The following FAM163A variants were observed in gnomAD, a reference collection of about 807,000 sequenced individuals.
FAM163A encodes the protein family with sequence similarity 163 member A, also known as protein FAM163A.
FAM163A carries 7 observed loss-of-function variants against 12.0 expected under a neutral mutation model. The ratio of observed to expected loss-of-function variants is 0.58; its 90% CI spans 0.33 to 1.10. The LOEUF (loss-of-function observed/expected upper bound fraction) is 1.10. FAM163A is among the 50% of genes least tolerant of loss of function. FAM163A has a pLI of 0.03. For synonymous variants in FAM163A, 101 were observed against 91.0 expected (o/e 1.11, Z -0.62); for missense variants, 202 against 218.6 (o/e 0.92, Z 0.48).
chr1:179,758,362 T>C (rs1686322818), intron 1 of FAM163A, among the ~76,000 whole-genome samples: 2 of 152,246 alleles, frequency 1.3e-5, no homozygotes, highest in Non-Finnish European at 2.9e-5. Context: ...TTCTGGTACC[T>C]TTCTTTTTCT....
Position 179,813,949 on chromosome 1 carries a change from T to TGG in FAM163A, c.267_268dup (p.Val90GlyfsTer59). 1 of 1,579,648 alleles carries TGG rather than the reference T, an allele frequency of 6.3e-7. No homozygotes were observed. The highest frequency in any genetic ancestry group is 8.6e-7 in the Non-Finnish European group (1 of 1,166,718). On this transcript the variant is annotated frameshift_variant, in exon 5 of 5. Coordinates refer to ENST00000341785, the MANE Select transcript of FAM163A (RefSeq NM_173509.3). LOFTEE classifies it high-confidence loss of function. ...CCAGCGAGCCCTGCAGCCAGCCCTG[T>TGG]GGGGTGGCCGCGAGCCACTGCACTA...
intron 1 of FAM163A, among the ~76,000 whole-genome samples, chr1:179,794,429 A>T (rs1691974313): frequency 3.3e-5 from 5 of 152,158 alleles, no homozygotes; most frequent in Admixed American, 3.3e-4. Context: ...TAAAATGCAC[A>T]TTACCAGGAT....
At chr1:179,740,889 G>A (rs1683558740), upstream of FAM163A, among the ~76,000 whole-genome samples, 1 of 152,004 alleles carries the variant, frequency 6.6e-6, no homozygotes, top group African/African-American at 2.4e-5. Flanking sequence ...ACCAATGAGG[G>A]AAACTGGGTG....
chr1:179,810,314 C>G (rs1383215615), intron 2 of FAM163A, among the ~76,000 whole-genome samples: 2 of 152,060 alleles, frequency 1.3e-5, no homozygotes, highest in Non-Finnish European at 2.9e-5. Context: ...CTTCTCAGAA[C>G]CTTGAAGGAT....
intron 1 of FAM163A, among the ~76,000 whole-genome samples, chr1:179,768,074 G>A (rs192496061): frequency 1.1e-3 from 167 of 152,210 alleles, no homozygotes; most frequent in African/African-American, 3.8e-3. Flanking sequence ...CTTTAGATAC[G>A]TCATATGAGT....
intron 1 of FAM163A, among the ~76,000 whole-genome samples, chr1:179,766,844 C>T (rs1397958062): frequency 6.6e-6 from 1 of 152,030 alleles, no homozygotes; most frequent in Non-Finnish European, 1.5e-5. Flanking sequence ...CAACCTCTGC[C>T]TCCCGGGTTC....
chr1:179,766,049 C>G (rs555435791), intron 1 of FAM163A, among the ~76,000 whole-genome samples: 70 of 152,258 alleles, frequency 4.6e-4, no homozygotes, highest in African/African-American at 1.7e-3. Flanking sequence ...AGAAATAAGC[C>G]TTGTTCAGGC....
At chr1:179,779,443 G>C (rs577767552) in intron 1 of FAM163A, among the ~76,000 whole-genome samples, 1 of 152,238 alleles carries the variant, frequency 6.6e-6, no homozygotes, top group Non-Finnish European at 1.5e-5. Context: ...GAGCTGGTGG[G>C]ATTTGGGACT....
At chr1:179,765,128 G>T (rs1571372219) in intron 1 of FAM163A, among the ~76,000 whole-genome samples, 1 of 151,970 alleles carries the variant, frequency 6.6e-6, no homozygotes, top group South Asian at 2.1e-4. Flanking sequence ...TTTCTTCCTC[G>T]CCCCATGGCT....
chr1:179,757,384 A>G (rs946900594), intron 1 of FAM163A, among the ~76,000 whole-genome samples: 3 of 152,204 alleles, frequency 2.0e-5, no homozygotes, highest in Non-Finnish European at 4.4e-5. Context: ...GCCTTTAGAC[A>G]TGGAGTGGAG....
intron 1 of FAM163A, among the ~76,000 whole-genome samples, chr1:179,781,971 G>T (rs1465192546): frequency 6.7e-6 from 1 of 149,774 alleles, no homozygotes; most frequent in South Asian, 2.1e-4. Flanking sequence ...GTCTTGCTTC[G>T]AGCACAAGTT....
chr1:179,785,237 G>A (rs1433629367), intron 1 of FAM163A, among the ~76,000 whole-genome samples: 2 of 152,146 alleles, frequency 1.3e-5, no homozygotes, highest in African/African-American at 4.8e-5. Context: ...AGTTACCACT[G>A]CTTGTTTCCA....
At chr1:179,797,503 C>T (rs894596247) in intron 1 of FAM163A, among the ~76,000 whole-genome samples, 1 of 152,040 alleles carries the variant, frequency 6.6e-6, no homozygotes, top group African/African-American at 2.4e-5. Flanking sequence ...AGTTCAAGAC[C>T]TCTATTGTGC....
chr1:179,785,590 A>G (rs992096306), intron 1 of FAM163A, among the ~76,000 whole-genome samples: 1 of 152,168 alleles, frequency 6.6e-6, no homozygotes, highest in African/African-American at 2.4e-5. Context: ...TTCACAATGT[A>G]TAAGTGATGT....
At chr1:179,778,336 CCCA>C (rs1689266851) in intron 1 of FAM163A, among the ~76,000 whole-genome samples, 1 of 152,114 alleles carries the variant, frequency 6.6e-6, no homozygotes, top group Non-Finnish European at 1.5e-5. Context: ...AATGGGTGAG[CCCA>C]AGGCCTTACA....
chr1:179,747,905 G>T (rs770063420), intron 1 of FAM163A, among the ~76,000 whole-genome samples: 2 of 151,254 alleles, frequency 1.3e-5, no homozygotes, highest in Non-Finnish European at 2.9e-5. Flanking sequence ...TTAGGGCTGG[G>T]GCTGAGTAGA....
intron 1 of FAM163A, among the ~76,000 whole-genome samples, chr1:179,788,702 A>G (rs368401236): frequency 6.6e-6 from 1 of 152,194 alleles, no homozygotes; most frequent in Admixed American, 6.5e-5. Flanking sequence ...GATGCATGTT[A>G]TATATCTGGT....
intron 1 of FAM163A, among the ~76,000 whole-genome samples, chr1:179,748,660 C>G (rs1684849848): frequency 6.6e-6 from 1 of 152,140 alleles, no homozygotes; most frequent in Non-Finnish European, 1.5e-5. Context: ...CTGTCAGGTG[C>G]ACAGGGCTAA....
At chr1:179,756,246 T>C (rs1686004874) in intron 1 of FAM163A, among the ~76,000 whole-genome samples, 1 of 152,138 alleles carries the variant, frequency 6.6e-6, no homozygotes, top group South Asian at 2.1e-4. Context: ...AGAAGGTAAA[T>C]GTATCGTAAC....
Sources: gnomAD v4.1 joint callset for allele counts (sites outside exome capture counted in the v4.1 genomes callset) on GRCh38, gnomAD v4.1.1 for gene constraint, MANE v1.5 for transcripts, NCBI Gene and HGNC (gene_info 2026-07-23, HGNC 2026-07-21) for gene names.